TIMM50: variants seen among roughly 807,000 people sequenced by gnomAD.
The protein encoded by TIMM50 is mitochondrial import inner membrane translocase subunit TIM50.
In TIMM50, 34 loss-of-function variants were observed where a neutral mutation model predicts 49.6. That is an observed-to-expected ratio of 0.69 (90% CI 0.52 to 0.91). The LOEUF is 0.91. Among genes scored for constraint, TIMM50 ranks in the 40% least tolerant of loss-of-function variants. The pLI is 0.00. For synonymous variants in TIMM50, 199 were observed against 198.4 expected (o/e 1.00, Z -0.03); for missense variants, 458 against 477.8 (o/e 0.96, Z 0.39).
At chr19:39,487,481 G>A (rs999221642) in intron 8 of TIMM50, among the ~76,000 whole-genome samples, 7 of 151,162 alleles carry the variant, frequency 4.6e-5, no homozygotes, top group East Asian at 1.9e-4. Flanking sequence ...TTTGTGAGAC[G>A]GAGTCTCGCT....
At position 39,483,175 on chromosome 19, in the gene TIMM50, A is replaced by G. The variant is rs762777139; in HGVS notation, c.313+19A>G. ...GACAATGGTGAGTAAACAAGCACAG[A>G]TTCTGGAGTCCCTGACCCTCTCAAC... On this transcript the variant is annotated intron_variant, in intron 4 of 10. Transcript: ENST00000607714. 6.2e-7 allele frequency: 1 copy of G among 1,614,118 alleles called. No homozygotes were observed. The highest frequency in any genetic ancestry group is 8.5e-7 in the Non-Finnish European group (1 of 1,179,998).
In TIMM50 at chr19:39,482,888, A is replaced by G. The variant is rs1236693701; in HGVS notation, c.263A>G (p.Asn88Ser). ...GTVSVVYIFG[N>S]NPVDENGAKI... is the part of the protein sequence containing the mutation. ...TTCATCCTGGTCTCCCTTGCAGGAA[A>G]CAACCCGGTGGACGAAAATGGTGCC... The change falls in exon 3 of 11, where the codon AAC becomes AGC. Residue 88 changes from asparagine (N) to serine (S), a missense_variant. Coordinates refer to ENST00000607714, the MANE Select transcript of TIMM50 (RefSeq NM_001001563.5). 1.2e-6 allele frequency: 2 copies of G among 1,614,082 alleles called. No individual in the cohort carries two copies. The highest frequency in any genetic ancestry group is 8.5e-7 in the Non-Finnish European group (1 of 1,179,996).
rs1366533935 is a variant in TIMM50, at chr19:39,480,911, C to A, written c.58C>A (p.Arg20=). The part of the protein sequence containing the change: ...RLRSGLRLGS[R]GLCTRLATPP... ...GCGAAGCGGGCTCCGGCTCGGCTCG[C>A]GGGGACTGTGCACGAGGTTGGCGAC... The change falls in exon 1 of 11, where the codon CGG becomes AGG. Residue 20 remains arginine (R), a synonymous_variant. Transcript: ENST00000607714. The A allele has an allele frequency of 1.3e-6, 2 of 1,590,758 alleles. No homozygotes were observed. The highest frequency in any genetic ancestry group is 2.7e-5 in the African/African-American group (2 of 74,812).
At chr19:39,485,475 C>T in intron 4 of TIMM50, 69 bp from the exon 5 acceptor site, 2 of 1,594,102 alleles carry the variant, frequency 1.3e-6, no homozygotes, top group Non-Finnish European at 8.6e-7. Flanking sequence ...AGATAAGAAA[C>T]CCCTGGTTTG....
Position 39,491,540 on chromosome 19 carries a change from C to G in TIMM50, c.*1720C>G, listed in dbSNP as rs2079545193. 6.6e-6 allele frequency: 1 copy of G among 151,574 alleles called. No homozygotes were observed. Among genetic ancestry groups the G allele is most frequent in the South Asian group, 2.1e-4 (1 of 4,790 alleles). The allele number at this position is 151,574 out of a possible 1,614,324, so 9.4% of individuals were successfully genotyped here. ...ACTGAATTTTTAATTTTGTTTGAGA[C>G]TGGGCACAGTGGCTCACGCCTGTAA... On this transcript the variant is annotated 3_prime_UTR_variant, in exon 11 of 11. Transcript: ENST00000607714.
At chr19:39,485,959 T>C in intron 6 of TIMM50, 152 bp downstream of exon 6, 3 of 1,265,358 alleles carry the variant, frequency 2.4e-6, no homozygotes, top group Non-Finnish European at 3.3e-6. Context: ...AAGGCAGTCA[T>C]GCTAACACCC....
Position 39,489,938 on chromosome 19 carries a change from G to A in TIMM50, c.*118G>A, listed in dbSNP as rs150062064. On this transcript the variant is annotated 3_prime_UTR_variant, in exon 11 of 11. Coordinates refer to ENST00000607714, the MANE Select transcript of TIMM50 (RefSeq NM_001001563.5). ...CCAGACGCCACACCTGCTGTGTCCCGAGAGTCTCCAGATGGGGGCATCAGG... is the reference window on the plus strand; with the variant it reads ...CCAGACGCCACACCTGCTGTGTCCCAAGAGTCTCCAGATGGGGGCATCAGG... 5.2e-4 allele frequency: 514 copies of A among 991,738 alleles called. 6 individuals carry two copies. The East Asian group carries it at 0.012, about 23-fold the overall frequency. 61.4% of individuals were successfully genotyped at this position (991,738 alleles called of 1,614,324 possible). A position where few individuals can be genotyped will look rare whatever the true frequency, so the allele number is the denominator to read the frequency against.
intron 8 of TIMM50, 157 bp from the exon 9 acceptor site, chr19:39,487,904 C>G: frequency 8.8e-7 from 1 of 1,132,642 alleles, no homozygotes; most frequent in South Asian, 1.6e-5. Flanking sequence ...CTGTGGGGGT[C>G]GATGCCATCA....
rs527305052 is a variant in TIMM50 at position 39,480,925 on chromosome 19, G to A, written c.72G>A (p.Thr24=). The change falls in exon 1 of 11, where the codon ACG becomes ACA. Residue 24 remains threonine, a synonymous_variant. Coordinates refer to ENST00000607714, the MANE Select transcript of TIMM50 (RefSeq NM_001001563.5). ...GGCTCGGCTCGCGGGGACTGTGCAC[G>A]AGGTTGGCGACGCCGCCCCGCCGGG... is the stretch of plus-strand genomic sequence containing the variant. ...GLRLGSRGLC[T]RLATPPRRAP... is the part of the protein sequence containing the mutation. The A allele has an allele frequency of 1.4e-5, 22 of 1,588,084 alleles. No homozygotes were observed. In the South Asian group the frequency reaches 2.0e-4, roughly 14 times the overall value.
chr19:39,481,749 C>A, intron 1 of TIMM50, 134 bp from the exon 2 acceptor site: 1 of 1,173,310 alleles, frequency 8.5e-7, no homozygotes, highest in Non-Finnish European at 1.2e-6. Context: ...GACTGCTACT[C>A]CAGGGACACA....
intron 6 of TIMM50, 180 bp from the exon 7 acceptor site, chr19:39,486,007 T>C: frequency 1.8e-6 from 2 of 1,095,104 alleles, no homozygotes; most frequent in South Asian, 2.8e-5. Context: ...AGGCACGCTA[T>C]AAGTGCCACA....
At chr19:39,488,429 C>A (rs1043780945) in intron 9 of TIMM50, 110 bp from the exon 10 acceptor site, 4 of 1,127,868 alleles carry the variant, frequency 3.5e-6, no homozygotes, top group African/African-American at 3.1e-5. Flanking sequence ...CAGAAGCATT[C>A]CAGGTAGCAC....
At position 39,488,565 on chromosome 19, in the gene TIMM50, G is replaced by A. The variant is rs772964061; in HGVS notation, c.880G>A (p.Val294Met). ...KTIALNGVED[V>M]RTVLEHYALE... ...CATTGCACTGAATGGTGTGGAGGAC[G>A]TGCGAACCGTGCTGGAGCACTATGC... is the stretch of plus-strand genomic sequence containing the variant. Residue 294 changes from valine (V) to methionine (M), a missense_variant, in exon 10 of 11, where the codon GTG becomes ATG. Physicochemically the swap from Val to Met is conservative, Grantham distance 21. Coordinates refer to ENST00000607714, the MANE Select transcript of TIMM50 (RefSeq NM_001001563.5). 1.2e-5 allele frequency: 20 copies of A among 1,612,934 alleles called. No individual in the cohort carries two copies. Among genetic ancestry groups the A allele is most frequent in the East Asian group, 4.5e-5 (2 of 44,898 alleles).
chr19:39,482,958 C>A, intron 3 of TIMM50, 42 bp downstream of exon 3: 1 of 1,614,066 alleles, frequency 6.2e-7, no homozygotes, highest in South Asian at 1.1e-5. Flanking sequence ...GAGTCCTAGT[C>A]TGTGGGTGAG....
In TIMM50 at chr19:39,489,710, C is replaced by G. The variant is rs370404315; in HGVS notation, c.961-9C>G. On this transcript the variant is annotated splice_polypyrimidine_tract_variant and intron_variant, in intron 10 of 10. Coordinates refer to ENST00000607714, the MANE Select transcript of TIMM50 (RefSeq NM_001001563.5). ...CTGACCCTCTCCTCCAACTGTCCCC[C>G]TACCCCAGGAGGAGCAGCAGCGCCT... The G allele has an allele frequency of 3.7e-6, 6 of 1,600,162 alleles. No homozygotes were observed. In the Admixed American group the frequency reaches 6.9e-5, roughly 18 times the overall value.
Position 39,488,525 on chromosome 19 carries a change from T to C in TIMM50, c.854-14T>C. 1 of 1,610,602 alleles carries C rather than the reference T, an allele frequency of 6.2e-7. No homozygotes were observed. Among genetic ancestry groups the C allele is most frequent in the Non-Finnish European group, 8.5e-7 (1 of 1,178,368 alleles). On this transcript the variant is annotated splice_polypyrimidine_tract_variant and intron_variant, in intron 9 of 10. Transcript: ENST00000607714. ...TTTAGAAGCCTGGCTGACCACCCCC[T>C]GTTGTGCCCACAGCCATTGCACTGA...
chr19:39,489,441 C>G (rs117854358), intron 10 of TIMM50, among the ~76,000 whole-genome samples: 1 of 152,086 alleles, frequency 6.6e-6, no homozygotes, highest in Non-Finnish European at 1.5e-5. Context: ...CTGAATACCT[C>G]GAGTGCCTAG....
rs550030340 is a variant in TIMM50 at position 39,488,460 on chromosome 19, T to C, written c.854-79T>C. 19 of 1,365,178 alleles carry C rather than the reference T, an allele frequency of 1.4e-5. No individual in the cohort carries two copies. The Admixed American group carries it at 1.7e-4, about 12-fold the overall frequency. The allele number at this position is 1,365,178 out of a possible 1,614,324, so 84.6% of individuals were successfully genotyped here. A position where few individuals can be genotyped will look rare whatever the true frequency, so the allele number is the denominator to read the frequency against. On this transcript the variant is annotated intron_variant, in intron 9 of 10. Coordinates refer to ENST00000607714, the MANE Select transcript of TIMM50 (RefSeq NM_001001563.5). ...AGCACTGACTGCCCCCGTGCCCCAGTGCGGGACGTTCCCCTCATGGGCCCT... is the reference window on the plus strand; with the variant it reads ...AGCACTGACTGCCCCCGTGCCCCAGCGCGGGACGTTCCCCTCATGGGCCCT...
At chr19:39,483,989 G>A (rs1211653518) in intron 4 of TIMM50, among the ~76,000 whole-genome samples, 1 of 152,084 alleles carries the variant, frequency 6.6e-6, no homozygotes, top group Non-Finnish European at 1.5e-5. Flanking sequence ...GAGTAGCTGG[G>A]AGTACAGGCG....
Sources: gnomAD v4.1 joint callset for allele counts (sites outside exome capture counted in the v4.1 genomes callset) on GRCh38, gnomAD v4.1.1 for gene constraint, MANE v1.5 for transcripts, NCBI Gene and HGNC (gene_info 2026-07-23, HGNC 2026-07-21) for gene names.